CILP: variants seen among roughly 807,000 people sequenced by gnomAD.
The protein encoded by CILP is cartilage intermediate layer protein 1.
CILP carries 75 observed loss-of-function variants against 82.5 expected under a neutral mutation model. That is an observed-to-expected ratio of 0.91 (90% CI 0.75 to 1.10). The LOEUF (loss-of-function observed/expected upper bound fraction) is 1.10. Among genes scored for constraint, CILP ranks in the 50% least tolerant of loss-of-function variants. The pLI, the probability that CILP is intolerant of heterozygous loss-of-function variation, is 0.00. For synonymous variants in CILP, 530 were observed against 580.3 expected, an observed-to-expected ratio of 0.91 and a Z score of 1.25; for missense variants, 1,479 against 1,530.8, an observed-to-expected ratio of 0.97 and a Z score of 0.56.
At position 65,207,553 on chromosome 15, in the gene CILP, A is replaced by C. The variant is rs138977849; in HGVS notation, c.154+119T>G. On this transcript the variant is annotated intron_variant, in intron 3 of 8. Transcript: ENST00000261883. ...TTGGCTGGACAGAGATGGAGGCCAA[A>C]TGCTTGTAAAAGTGGGTTTCCATGG... The C allele has an allele frequency of 4.9e-4, 393 of 803,598 alleles. 2 individuals are homozygous for C. In the African/African-American group the frequency reaches 5.4e-3, roughly 11 times the overall value. 49.8% of individuals were successfully genotyped at this position (803,598 alleles called of 1,614,324 possible). A position where few individuals can be genotyped will look rare whatever the true frequency, so the allele number is the denominator to read the frequency against.
At chr15:65,208,134 T>C (rs1393089745) in intron 2 of CILP, among the ~76,000 whole-genome samples, 1 of 152,234 alleles carries the variant, frequency 6.6e-6, no homozygotes, top group East Asian at 1.9e-4. Context: ...GACTCCTGCT[T>C]TGGTGTCTGC....
Position 65,197,972 on chromosome 15 carries a change from C to T in CILP, c.2314G>A (p.Gly772Arg). 1 of 1,614,160 alleles carries T rather than the reference C, an allele frequency of 6.2e-7. No individual in the cohort carries two copies. The highest frequency in any genetic ancestry group is 8.5e-7 in the Non-Finnish European group (1 of 1,180,034). Reference protein sequence around the residue: ...ERFLPSEQIQGVVISVINLEP... With the variant: ...ERFLPSEQIQRVVISVINLEP... ...AGGTTAATCACGGAGATCACAACCC[C>T]CTGGATCTGCTCACTAGGCAAGAAC... Residue 772 changes from glycine (G) to arginine (R), a missense_variant, in exon 9 of 9, where the codon GGG becomes AGG. Physicochemically the swap from Gly to Arg is moderately radical, Grantham distance 125 (BLOSUM62 -2). Transcript: ENST00000261883.
Position 65,198,830 on chromosome 15 carries a change from T to C in CILP, c.1456A>G (p.Thr486Ala), listed in dbSNP as rs370689957. 4 of 1,614,062 alleles carry C rather than the reference T, an allele frequency of 2.5e-6. No homozygotes were observed. The African/African-American group carries it at 5.3e-5, about 22-fold the overall frequency. ...VAKECSCQRC[T>A]ETRSIVRGRV... ...CCCCGCACGATGCTCCGAGTTTCCG[T>C]ACACCGCTGGCAGCTGCACTCCTTG... is the stretch of plus-strand genomic sequence containing the variant. The change falls in exon 9 of 9, where the codon ACG becomes GCG. Residue 486 changes from threonine to alanine, a missense_variant. Transcript: ENST00000261883.
In CILP at chr15:65,199,002, G is replaced by C; in HGVS notation, c.1284C>G (p.Asp428Glu). The part of the protein sequence containing the change: ...FQNATNSFYY[D>E]VGRCPVKTCA... ...AAGTCTTAACAGGGCAGCGTCCCACGTCATAGTAGAAGGAGTTGGTGGCAT... is the reference window on the plus strand; with the variant it reads ...AAGTCTTAACAGGGCAGCGTCCCACCTCATAGTAGAAGGAGTTGGTGGCAT... Residue 428 changes from aspartate to glutamate, a missense_variant, in exon 9 of 9, where the codon GAC (aspartate) becomes GAG (glutamate). By Grantham distance (45) the Asp-to-Glu change is conservative. Transcript: ENST00000261883. 6.2e-7 allele frequency: 1 copy of C among 1,611,048 alleles called. No individual in the cohort carries two copies. The highest frequency in any genetic ancestry group is 8.5e-7 in the Non-Finnish European group (1 of 1,179,988).
Position 65,198,572 on chromosome 15 carries a change from G to A in CILP, c.1714C>T (p.Arg572Cys), listed in dbSNP as rs753593002. Reference sequence around the variant, plus strand: ...TCCAAAGTGATGGGCTTTTTCCGACGAAGCATCTTGATTTCATGGAACACG... The same window carrying A: ...TCCAAAGTGATGGGCTTTTTCCGACAAAGCATCTTGATTTCATGGAACACG... ...SAVFHEIKMLRRKKPITLEAM... is the reference protein window; with the variant it reads ...SAVFHEIKMLCRKKPITLEAM... Residue 572 changes from arginine (R) to cysteine (C), a missense_variant, in exon 9 of 9, where the codon CGT (arginine) becomes TGT (cysteine). Coordinates refer to ENST00000261883, the MANE Select transcript of CILP (RefSeq NM_003613.4). 5.1e-5 allele frequency: 83 copies of A among 1,614,112 alleles called. No individual in the cohort carries two copies. Among genetic ancestry groups the A allele is most frequent in the South Asian group, 2.7e-4 (25 of 91,094 alleles).
At chr15:65,205,881 T>G (rs922374943) in intron 4 of CILP, among the ~76,000 whole-genome samples, 4 of 152,346 alleles carry the variant, frequency 2.6e-5, no homozygotes, top group African/African-American at 9.6e-5. Context: ...GAAGCCCATT[T>G]CTGCCCACCT....
chr15:65,210,233 G>A (rs1394610629), intron 1 of CILP, among the ~76,000 whole-genome samples: 1 of 152,140 alleles, frequency 6.6e-6, no homozygotes, highest in Non-Finnish European at 1.5e-5. Flanking sequence ...ATCCTTTGAT[G>A]GAGTTCACAC....
chr15:65,202,834 C>CCT (rs2088474912), intron 7 of CILP, among the ~76,000 whole-genome samples: 1 of 117,548 alleles, frequency 8.5e-6, no homozygotes, highest in Non-Finnish European at 1.7e-5. Context: ...GGGACCACAG[C>CCT]TTTTTTTTTT....
At chr15:65,207,645 C>A (rs1418702434) in intron 3 of CILP, 27 bp downstream of exon 3, 1 of 1,603,628 alleles carries the variant, frequency 6.2e-7, no homozygotes, top group Non-Finnish European at 8.5e-7. Flanking sequence ...GCCCCTCCAG[C>A]CCCTCCCTGC....
intron 8 of CILP, among the ~76,000 whole-genome samples, chr15:65,200,423 G>A (rs1361831444): frequency 6.9e-6 from 1 of 144,776 alleles, no homozygotes; most frequent in Non-Finnish European, 1.5e-5. Context: ...AGTAGTCCAG[G>A]ATCCTTCCAA....
chr15:65,204,642 C>T, intron 5 of CILP, 60 bp from the exon 6 acceptor site: 1 of 1,496,612 alleles, frequency 6.7e-7, no homozygotes, highest in Non-Finnish European at 8.9e-7. Flanking sequence ...CCTTCAGCCA[C>T]ATCACAGATC....
At chr15:65,201,294 A>C (rs2088448095) in intron 8 of CILP, among the ~76,000 whole-genome samples, 1 of 151,734 alleles carries the variant, frequency 6.6e-6, no homozygotes, top group Middle Eastern at 3.4e-3. Flanking sequence ...GAGCCGCCAC[A>C]CCTGGCCTTA....
intron 2 of CILP, among the ~76,000 whole-genome samples, chr15:65,208,522 G>A (rs2088544735): frequency 6.6e-6 from 1 of 152,164 alleles, no homozygotes; most frequent in Admixed American, 6.5e-5. Flanking sequence ...CAGAATAGAT[G>A]GCCATTTACT....
chr15:65,208,849 G>C (rs1242904486), intron 2 of CILP, among the ~76,000 whole-genome samples: 1 of 152,100 alleles, frequency 6.6e-6, no homozygotes, highest in Admixed American at 6.5e-5. Context: ...CCCCTCAGAT[G>C]GTTGAATGTT....
rs1394667640 is a variant in CILP, at chr15:65,204,532, A to C, written c.655T>G (p.Cys219Gly). Residue 219 changes from cysteine (C) to glycine (G), a missense_variant, in exon 6 of 9, where the codon TGC becomes GGC. By Grantham distance (159) the Cys-to-Gly change is radical. Transcript: ENST00000261883. ...TGAAGCATGAAGTCCTGGCACATGC[A>C]GGCATCACAGTCAGCATTCACCTGG... Reference protein sequence around the residue: ...MGQVNADCDACMCQDFMLHGA... With the variant: ...MGQVNADCDAGMCQDFMLHGA... The C allele has an allele frequency of 6.2e-7, 1 of 1,613,292 alleles. No homozygotes were observed. Among genetic ancestry groups the C allele is most frequent in the South Asian group, 1.1e-5 (1 of 90,936 alleles).
At chr15:65,204,946 G>C (rs938217064) in intron 5 of CILP, among the ~76,000 whole-genome samples, 1 of 152,148 alleles carries the variant, frequency 6.6e-6, no homozygotes, top group African/African-American at 2.4e-5. Context: ...TTAAACCCAG[G>C]AGGCGGAGGC....
At chr15:65,205,541 G>T in intron 4 of CILP, 75 bp from the exon 5 acceptor site, 2 of 1,401,462 alleles carry the variant, frequency 1.4e-6, no homozygotes, top group Non-Finnish European at 1.9e-6. Flanking sequence ...CCCTGAGGCT[G>T]TTTCTTCTCT....
Position 65,198,288 on chromosome 15 carries a change from A to G in CILP, c.1998T>C (p.Asp666=). Residue 666 remains aspartate (D), a synonymous_variant, in exon 9 of 9, where the codon GAT becomes GAC. Transcript: ENST00000261883. ...CATTAAGTGGCTCTGAGGTGACCTC[A>G]TCTCTGAAGTCCACAGAGAACATGC... The part of the protein sequence containing the change: ...TYGMFSVDFR[D]EVTSEPLNAG... The G allele has an allele frequency of 6.2e-7, 1 of 1,614,234 alleles. No individual in the cohort carries two copies. Among genetic ancestry groups the G allele is most frequent in the Non-Finnish European group, 8.5e-7 (1 of 1,180,044 alleles).
In CILP at chr15:65,209,771, G is replaced by C. The variant is rs774428788; in HGVS notation, c.-16C>G. ...TCCCCACCATCTTTCCCCCAAGCCC[G>C]TGGGAACGTGGCAAGAGGTAGATGT... On this transcript the variant is annotated 5_prime_UTR_variant, in exon 2 of 9. Transcript: ENST00000261883. The C allele has an allele frequency of 5.0e-6, 8 of 1,613,610 alleles. No homozygotes were observed. Among genetic ancestry groups the C allele is most frequent in the African/African-American group, 1.3e-5 (1 of 74,902 alleles).
Sources: gnomAD v4.1 joint callset for allele counts (sites outside exome capture counted in the v4.1 genomes callset) on GRCh38, gnomAD v4.1.1 for gene constraint, MANE v1.5 for transcripts, NCBI Gene and HGNC (gene_info 2026-07-23, HGNC 2026-07-21) for gene names.